Variants in WASHC2C observed in about 807,000 individuals in gnomAD.
The protein encoded by WASHC2C is Vaccinia Penetration Factor.
Under a neutral mutation model 142.2 loss-of-function variants are expected in WASHC2C, and 73 were observed. The observed-to-expected ratio is 0.51, with a 90% CI of 0.43 to 0.62. The LOEUF is 0.62. Among genes scored for constraint, WASHC2C ranks in the 20% least tolerant of loss-of-function variants. The pLI, the probability that WASHC2C is intolerant of heterozygous loss-of-function variation, is 0.00. For missense variants in WASHC2C, 969 were observed against 1,531.7 expected, an observed-to-expected ratio of 0.63 and a Z score of 6.13; for synonymous variants, 337 against 565.5, an observed-to-expected ratio of 0.60 and a Z score of 5.73.
intron 12 of WASHC2C, 90 bp downstream of exon 12, chr10:45,752,796 A>T: frequency 1.2e-6 from 1 of 862,088 alleles, no homozygotes; most frequent in South Asian, 1.7e-5. Flanking sequence ...TTAGTGGGGG[A>T]AAAACAGTTT....
At chr10:45,737,598 T>C (rs2134195119) in intron 3 of WASHC2C, 1 of 1,081,096 alleles carries the variant, frequency 9.2e-7, no homozygotes, top group East Asian at 2.6e-5. Flanking sequence ...AGTTGATAAA[T>C]TACATCAGTT....
intron 4 of WASHC2C, among the ~76,000 whole-genome samples, chr10:45,738,689 A>G (rs1554865905): frequency 6.6e-6 from 1 of 152,042 alleles, no homozygotes; most frequent in African/African-American, 2.4e-5. Context: ...AAGTTATTTT[A>G]TTTTATTTTT....
intron 19 of WASHC2C, among the ~76,000 whole-genome samples, chr10:45,768,237 A>G (rs1450371983): frequency 5.4e-5 from 8 of 149,010 alleles, no homozygotes; most frequent in African/African-American, 2.0e-4. Flanking sequence ...GAAAAAGGAA[A>G]AAAAAAAAAA....
chr10:45,790,466 A>G lies in WASHC2C; in HGVS notation c.3819A>G (p.Leu1273=). 4.3e-6 allele frequency: 7 copies of G among 1,611,082 alleles called. No homozygotes were observed. The South Asian group carries it at 7.7e-5, about 18-fold the overall frequency. ...ATAACATTGATATCTTTGCTGACTTAACTGTAAAACCAAAAGAAAAGTCCA... is the reference window on the plus strand; with the variant it reads ...ATAACATTGATATCTTTGCTGACTTGACTGTAAAACCAAAAGAAAAGTCCA... ...FDDNIDIFAD[L]TVKPKEKSKK... Residue 1273 remains leucine (L), a synonymous_variant, in exon 30 of 31, where the codon TTA becomes TTG. Transcript: ENST00000623400.
intron 28 of WASHC2C, among the ~76,000 whole-genome samples, chr10:45,788,477 C>A (rs112333609): frequency 6.6e-6 from 1 of 152,136 alleles, no homozygotes; most frequent in East Asian, 1.9e-4. Flanking sequence ...TTCCCCGATT[C>A]TTTCTTGTTT....
chr10:45,784,882 C>T lies in WASHC2C; in HGVS notation c.2669C>T (p.Ser890Phe). 3 of 1,609,172 alleles carry T rather than the reference C, an allele frequency of 1.9e-6. No individual in the cohort carries two copies. The highest frequency in any genetic ancestry group is 1.3e-5 in the African/African-American group (1 of 74,618). The change falls in exon 25 of 31, where the codon TCT becomes TTT. Residue 890 changes from serine (S) to phenylalanine (F), a missense_variant. Physicochemically the swap from Ser to Phe is radical, Grantham distance 155. Coordinates refer to ENST00000623400, the MANE Select transcript of WASHC2C (RefSeq NM_001330074.2). ...GATGAAGATGATGATCTTTTCAGCT[C>T]TGCCAAGTCCCAGCCTTTGGTACCA... is the stretch of plus-strand genomic sequence containing the variant. ...GDDEDDDLFS[S>F]AKSQPLVQEK...
Position 45,759,783 on chromosome 10 carries a change from C to G in WASHC2C, c.1635+382C>G, listed in dbSNP as rs1276532417. On this transcript the variant is annotated intron_variant, in intron 17 of 30. Coordinates refer to ENST00000623400, the MANE Select transcript of WASHC2C (RefSeq NM_001330074.2). ...GCAATGAACCGAGATCACACCATTG[C>G]ACTCCAGTCTAGGCGACAGAGCGAG... is the stretch of plus-strand genomic sequence containing the variant. Among the ~76,000 whole-genome samples the G allele has an allele frequency of 2.0e-5, 3 of 152,246 alleles. No individual in the cohort carries two copies. In the East Asian group the frequency reaches 5.8e-4, roughly 29 times the overall value.
intron 4 of WASHC2C, among the ~76,000 whole-genome samples, chr10:45,739,444 G>A (rs1330780760): frequency 4.6e-5 from 7 of 151,106 alleles, no homozygotes; most frequent in Admixed American, 6.6e-5. Flanking sequence ...AACTGCTGTT[G>A]CAGGAAGAAG....
chr10:45,792,873 G>A lies in WASHC2C; in HGVS notation c.*473G>A, dbSNP rs1319514631. ...CAGGTTTTCACTGAATTCTGAGGGT[G>A]CCTCTGCATGTCCTCCAAGGCAAAG... On this transcript the variant is annotated 3_prime_UTR_variant, in exon 31 of 31. Transcript: ENST00000623400. The A allele has an allele frequency of 2.1e-6, 1 of 470,044 alleles. No individual in the cohort carries two copies. The highest frequency in any genetic ancestry group is 2.0e-5 in the African/African-American group (1 of 50,078). The allele number at this position is 470,044 out of a possible 1,614,324, so 29.1% of individuals were successfully genotyped here.
Position 45,757,136 on chromosome 10 carries a change from A to G in WASHC2C, c.1545A>G (p.Lys515=), listed in dbSNP as rs1458552466. The G allele has an allele frequency of 3.7e-6, 6 of 1,602,554 alleles. No homozygotes were observed. In the South Asian group the frequency reaches 6.7e-5, roughly 18 times the overall value. ...QTDENKARAE[K]KVTLSYSKNL... ...ATGAAAATAAAGCAAGAGCAGAAAA[A>G]AAGGTGAGCAGGAGGGAAGACTTAA... The change falls in exon 16 of 31, where the codon AAA becomes AAG. Residue 515 remains lysine (K), a synonymous_variant. Transcript: ENST00000623400.
intron 23 of WASHC2C, among the ~76,000 whole-genome samples, chr10:45,780,903 AC>A (rs2057451679): frequency 6.6e-6 from 1 of 151,556 alleles, no homozygotes; most frequent in African/African-American, 2.4e-5. Flanking sequence ...ATAGGCACCC[AC>A]CACCATGCCC....
chr10:45,789,270 G>C lies in WASHC2C; in HGVS notation c.3487G>C (p.Val1163Leu). The change falls in exon 29 of 31, where the codon GTG becomes CTG. Residue 1163 changes from valine to leucine, a missense_variant. Transcript: ENST00000623400. Reference protein sequence around the residue: ...KIAENPANPPVGGKAKSPMFP... With the variant: ...KIAENPANPPLGGKAKSPMFP... The stretch of plus-strand genomic sequence containing the variant: ...AGCAGAGAATCCTGCCAACCCACCA[G>C]TGGGTGGTAAAGCAAAGAGCCCCAT... 1 of 1,612,080 alleles carries C rather than the reference G, an allele frequency of 6.2e-7. No homozygotes were observed. The highest frequency in any genetic ancestry group is 1.7e-5 in the Admixed American group (1 of 60,022).
chr10:45,755,101 A>C lies in WASHC2C; in HGVS notation c.1406A>C (p.Lys469Thr). Reference sequence around the variant, plus strand: ...GACTTTTTCTCGGCACCCCACAGCAAACCTTCTAAAACACGTATGTGTTCC... The same window carrying C: ...GACTTTTTCTCGGCACCCCACAGCACACCTTCTAAAACACGTATGTGTTCC... Reference protein sequence around the residue: ...DDDFFSAPHSKPSKTRKVQST... With the variant: ...DDDFFSAPHSTPSKTRKVQST... Residue 469 changes from lysine (K) to threonine (T), a missense_variant, in exon 15 of 31, where the codon AAA (lysine) becomes ACA (threonine). By Grantham distance (78) the Lys-to-Thr change is moderately conservative. Transcript: ENST00000623400. 2 of 1,608,658 alleles carry C rather than the reference A, an allele frequency of 1.2e-6. No homozygotes were observed. The highest frequency in any genetic ancestry group is 2.2e-5 in the South Asian group (2 of 90,722).
At chr10:45,757,218 A>G (rs1247672865) in intron 16 of WASHC2C, 79 bp downstream of exon 16, 107 of 1,601,506 alleles carry the variant, frequency 6.7e-5, no homozygotes, top group Non-Finnish European at 8.7e-5. Flanking sequence ...AGAGGGAAGT[A>G]CTGTTCCCTT....
intron 19 of WASHC2C, among the ~76,000 whole-genome samples, chr10:45,767,065 G>A (rs1589822426): frequency 1.3e-5 from 2 of 151,548 alleles, no homozygotes; most frequent in African/African-American, 2.4e-5. Flanking sequence ...TTGGGAGTTC[G>A]AGACCAGCCT....
intron 16 of WASHC2C, among the ~76,000 whole-genome samples, chr10:45,757,954 G>A (rs1362384184): frequency 1.3e-5 from 2 of 152,152 alleles, no homozygotes; most frequent in Non-Finnish European, 2.9e-5. Flanking sequence ...ATTTTTTTAT[G>A]TTTTGATTTT....
At chr10:45,786,402 G>A in intron 26 of WASHC2C, 1 of 687,956 alleles carries the variant, frequency 1.5e-6, no homozygotes, top group South Asian at 1.8e-5. Flanking sequence ...TATCTGATCT[G>A]GCAGCTTTCC....
chr10:45,758,165 C>G (rs1239768307), intron 16 of WASHC2C, among the ~76,000 whole-genome samples: 1 of 151,962 alleles, frequency 6.6e-6, no homozygotes, highest in Non-Finnish European at 1.5e-5. Flanking sequence ...GAAGTTTTGG[C>G]AAGAATACAA....
At chr10:45,762,989 A>AATCTAGCCC (rs59327924) in intron 17 of WASHC2C, among the ~76,000 whole-genome samples, 2,314 of 152,200 alleles carry the variant, frequency 0.015, 48 homozygotes, top group African/African-American at 0.051. Context: ...TTAATTTGGG[A>AATCTAGCCC]ATCTAGCCCC....
Sources: gnomAD v4.1 joint callset for allele counts (sites outside exome capture counted in the v4.1 genomes callset) on GRCh38, gnomAD v4.1.1 for gene constraint, MANE v1.5 for transcripts, NCBI Gene and HGNC (gene_info 2026-07-23, HGNC 2026-07-21) for gene names.